The following SNTG2 variants were observed in gnomAD, a reference collection of about 807,000 sequenced individuals.
SNTG2 encodes syntrophin gamma 2, also known as gamma-2-syntrophin.
In SNTG2, 74 loss-of-function variants were observed where a neutral mutation model predicts 70.9. The observed-to-expected ratio is 1.04, with a 90% CI of 0.86 to 1.27. The LOEUF (loss-of-function observed/expected upper bound fraction) is 1.27. Among genes scored for constraint, SNTG2 ranks in the 50% most tolerant of loss-of-function variants. The probability of loss-of-function intolerance (pLI) is 0.00; values close to 1 mark genes in which losing one functional copy is unlikely to be tolerated. For synonymous variants in SNTG2, 278 were observed against 273.8 expected, an observed-to-expected ratio of 1.02 and a Z score of -0.15; for missense variants, 717 against 690.7, an observed-to-expected ratio of 1.04 and a Z score of -0.43.
At chr2:1,300,512 C>A (rs898217511) in intron 14 of SNTG2, among the ~76,000 whole-genome samples, 8 of 152,202 alleles carry the variant, frequency 5.3e-5, no homozygotes, top group Non-Finnish European at 1.0e-4. Flanking sequence ...TTGATCAGAA[C>A]CTCACCTGGG....
intron 1 of SNTG2, among the ~76,000 whole-genome samples, chr2:1,006,537 A>T (rs1305738581): frequency 6.6e-6 from 1 of 152,116 alleles, no homozygotes; most frequent in Non-Finnish European, 1.5e-5. Context: ...ACTTTTAGTT[A>T]TACTTTTCTG....
intron 14 of SNTG2, among the ~76,000 whole-genome samples, chr2:1,277,497 T>A (rs1425963496): frequency 1.3e-5 from 2 of 152,272 alleles, no homozygotes; most frequent in Non-Finnish European, 2.9e-5. Flanking sequence ...TTAGACATAA[T>A]GCTTTGCATA....
chr2:1,134,847 GC>G (rs1340727203), intron 4 of SNTG2, among the ~76,000 whole-genome samples: 3 of 152,186 alleles, frequency 2.0e-5, no homozygotes, highest in Non-Finnish European at 4.4e-5. Context: ...ATGGCGGGCT[GC>G]AGGTCCCGAG....
At chr2:1,317,265 T>G (rs112327924) in intron 16 of SNTG2, among the ~76,000 whole-genome samples, 3 of 72,480 alleles carry the variant, frequency 4.1e-5, no homozygotes, top group East Asian at 3.8e-4. Context: ...CTGGAGCATT[T>G]AGCATCAGGG....
chr2:1,189,695 C>T (rs367932711), intron 8 of SNTG2, among the ~76,000 whole-genome samples: 4 of 151,844 alleles, frequency 2.6e-5, no homozygotes, highest in Non-Finnish European at 2.9e-5. Flanking sequence ...AGTAGGTGCA[C>T]GCCAGCACGC....
chr2:1,152,606 A>T (rs1272552291), intron 6 of SNTG2, among the ~76,000 whole-genome samples: 1 of 127,804 alleles, frequency 7.8e-6, no homozygotes, highest in Non-Finnish European at 1.6e-5. Context: ...GCATGTGTGT[A>T]TGTGTGCACA....
intron 1 of SNTG2, among the ~76,000 whole-genome samples, chr2:1,053,570 T>C (rs1239873500): frequency 6.7e-6 from 1 of 150,082 alleles, no homozygotes; most frequent in Non-Finnish European, 1.5e-5. Context: ...ATTATTTCTA[T>C]GCCTTTTTAT....
chr2:975,106 A>G (rs891332738), intron 1 of SNTG2, among the ~76,000 whole-genome samples: 2 of 151,920 alleles, frequency 1.3e-5, no homozygotes, highest in African/African-American at 4.8e-5. Context: ...TGAACAAACC[A>G]CACCACACAC....
At chr2:1,102,914 G>C (rs745375046) in intron 4 of SNTG2, among the ~76,000 whole-genome samples, 1 of 152,238 alleles carries the variant, frequency 6.6e-6, no homozygotes, top group Non-Finnish European at 1.5e-5. Context: ...TCTTCGCGAA[G>C]TGGCTCGTGA....
intron 1 of SNTG2, among the ~76,000 whole-genome samples, chr2:957,952 A>G (rs1359958147): frequency 2.0e-5 from 3 of 152,186 alleles, no homozygotes; most frequent in Non-Finnish European, 4.4e-5. Flanking sequence ...GGTAAGTAAT[A>G]TAGCTTTTAG....
chr2:1,104,785 C>T (rs1291257545), intron 4 of SNTG2, among the ~76,000 whole-genome samples: 7 of 152,172 alleles, frequency 4.6e-5, no homozygotes, highest in African/African-American at 1.4e-4. Context: ...ACGAGAAATC[C>T]GGCTGTTTGC....
chr2:970,007 A>G (rs79021704), intron 1 of SNTG2, among the ~76,000 whole-genome samples: 13,990 of 152,200 alleles, frequency 0.092, 827 homozygotes, highest in Middle Eastern at 0.16. Flanking sequence ...TTTGTCATAG[A>G]CAGCTCTTAC....
At chr2:1,251,949 G>A (rs991596595) in intron 12 of SNTG2, among the ~76,000 whole-genome samples, 1 of 152,230 alleles carries the variant, frequency 6.6e-6, no homozygotes, top group Non-Finnish European at 1.5e-5. Context: ...GTACTCATTG[G>A]TGAGTGCTGG....
At chr2:1,267,769 G>A (rs758895813) in intron 14 of SNTG2, among the ~76,000 whole-genome samples, 198 bp downstream of exon 14, 8 of 152,352 alleles carry the variant, frequency 5.3e-5, no homozygotes, top group Non-Finnish European at 1.2e-4. Context: ...GTAGTGGAAG[G>A]GAAGGGGAGG....
chr2:1,115,124 A>G (rs768026235), intron 4 of SNTG2, among the ~76,000 whole-genome samples: 2 of 150,768 alleles, frequency 1.3e-5, no homozygotes, highest in African/African-American at 4.9e-5. Flanking sequence ...GTACTAAATC[A>G]GGTTTAACCC....
At chr2:1,224,847 A>T (rs1675662845) in intron 9 of SNTG2, among the ~76,000 whole-genome samples, 1 of 152,196 alleles carries the variant, frequency 6.6e-6, no homozygotes, top group East Asian at 1.9e-4. Flanking sequence ...GAAAGAATGG[A>T]AGCCGTGATA....
intron 1 of SNTG2, among the ~76,000 whole-genome samples, chr2:1,026,350 C>T (rs1013063672): frequency 2.0e-5 from 3 of 152,182 alleles, no homozygotes; most frequent in Admixed American, 2.0e-4. Context: ...TGTTCTCCTC[C>T]TTCCAAATTT....
At chr2:1,219,605 C>T (rs1474867364) in intron 9 of SNTG2, among the ~76,000 whole-genome samples, 1 of 151,618 alleles carries the variant, frequency 6.6e-6, no homozygotes, top group African/African-American at 2.4e-5. Context: ...CTGTCCATGC[C>T]TCTTGTTTTA....
intron 13 of SNTG2, 62 bp downstream of exon 13, chr2:1,259,503 A>T (rs1678304502): frequency 3.7e-6 from 5 of 1,348,492 alleles, no homozygotes; most frequent in Non-Finnish European, 5.3e-6. Flanking sequence ...GGCTTGCAGA[A>T]TGAGAGGATT....
Sources: allele counts gnomAD v4.1 joint callset (sites outside exome capture counted in the v4.1 genomes callset), GRCh38; gene constraint gnomAD v4.1.1; transcripts MANE v1.5; gene names NCBI Gene and HGNC (gene_info 2026-07-23, HGNC 2026-07-21).